The following SUGCT variants were observed in gnomAD, a reference collection of about 807,000 sequenced individuals.
The protein encoded by SUGCT is succinyl-CoA:glutarate-CoA transferase, also known as succinyl-CoA:glutarate CoA-transferase.
In SUGCT, 41 loss-of-function variants were observed where a neutral mutation model predicts 55.0. The observed-to-expected ratio is 0.74, with a 90% CI of 0.58 to 0.97. SUGCT has a LOEUF of 0.97. Ranked by LOEUF, SUGCT falls within the 50% of genes least tolerant of loss-of-function variation. The probability of loss-of-function intolerance (pLI) is 0.00; values close to 1 mark genes in which losing one functional copy is unlikely to be tolerated. For synonymous variants in SUGCT, 187 were observed against 200.4 expected (o/e 0.93, Z 0.56); for missense variants, 568 against 547.8 (o/e 1.04, Z -0.37).
At chr7:40,659,135 T>C (rs1343055799) in intron 12 of SUGCT, among the ~76,000 whole-genome samples, 1 of 152,212 alleles carries the variant, frequency 6.6e-6, no homozygotes, top group Non-Finnish European at 1.5e-5. Context: ...AGGGATCTAA[T>C]ATGCAGGACA....
At chr7:40,643,270 A>C (rs1172635331) in intron 12 of SUGCT, among the ~76,000 whole-genome samples, 1 of 152,200 alleles carries the variant, frequency 6.6e-6, no homozygotes, top group Admixed American at 6.5e-5. Context: ...TGTTGATTTT[A>C]GGACCTTGTC....
At chr7:40,442,327 G>A (rs577588622) in intron 9 of SUGCT, among the ~76,000 whole-genome samples, 9 of 152,052 alleles carry the variant, frequency 5.9e-5, no homozygotes, top group African/African-American at 7.2e-5. Context: ...GAAACAAGAT[G>A]GAGTCAGTTA....
At chr7:40,291,666 TAAAAAA>T (rs145941021) in intron 8 of SUGCT, among the ~76,000 whole-genome samples, 1 of 150,398 alleles carries the variant, frequency 6.6e-6, no homozygotes, top group East Asian at 2.0e-4. Flanking sequence ...AATAATAAAA[TAAAAAA>T]ATATATATAT....
chr7:40,736,979 G>GA (rs970672051), intron 12 of SUGCT, among the ~76,000 whole-genome samples: 6 of 152,044 alleles, frequency 3.9e-5, no homozygotes, highest in African/African-American at 1.4e-4. Flanking sequence ...CATTGATTTT[G>GA]AAAAACGGTA....
intron 13 of SUGCT, among the ~76,000 whole-genome samples, chr7:40,836,089 A>C (rs1792960921): frequency 6.6e-6 from 1 of 151,254 alleles, no homozygotes; most frequent in South Asian, 2.1e-4. Flanking sequence ...AGTAGAGATG[A>C]AGTCTCACTG....
intron 13 of SUGCT, among the ~76,000 whole-genome samples, chr7:40,812,080 A>G (rs750534153): frequency 3.9e-5 from 6 of 152,130 alleles, no homozygotes; most frequent in Non-Finnish European, 7.4e-5. Context: ...GTGTATGTTG[A>G]GTCAACCTTG....
chr7:40,575,324 C>T (rs998359393), intron 12 of SUGCT, among the ~76,000 whole-genome samples: 6 of 152,042 alleles, frequency 3.9e-5, no homozygotes, highest in Admixed American at 1.3e-4. Context: ...TTCTTACCAA[C>T]GTTATTTAAA....
chr7:40,650,094 T>A (rs546024822), intron 12 of SUGCT, among the ~76,000 whole-genome samples: 74 of 152,256 alleles, frequency 4.9e-4, no homozygotes, highest in African/African-American at 1.7e-3. Context: ...CCTCATAAGA[T>A]GTTGGACTAA....
intron 13 of SUGCT, among the ~76,000 whole-genome samples, chr7:40,850,671 T>C (rs1793805473): frequency 6.6e-6 from 1 of 152,130 alleles, no homozygotes; most frequent in African/African-American, 2.4e-5. Flanking sequence ...AAAATAAATA[T>C]TTGAAAAGTG....
chr7:40,945,515 T>C, the SUGCT span, among the ~76,000 whole-genome samples: 2 of 152,122 alleles, frequency 1.3e-5, no homozygotes, highest in African/African-American at 4.8e-5. Context: ...AGCCCCACTA[T>C]GTCTGCAATG....
chr7:40,906,060 T>C, the SUGCT span, among the ~76,000 whole-genome samples: 1 of 152,166 alleles, frequency 6.6e-6, no homozygotes, highest in African/African-American at 2.4e-5. Flanking sequence ...AATTCAGCGG[T>C]ATTAACTGCA....
At chr7:40,984,019 G>A in the SUGCT span, among the ~76,000 whole-genome samples, 1 of 152,108 alleles carries the variant, frequency 6.6e-6, no homozygotes, top group East Asian at 1.9e-4. Context: ...AATGCAGGTA[G>A]GCGAGGGGTA....
chr7:40,402,982 G>C (rs1027952344), intron 9 of SUGCT, among the ~76,000 whole-genome samples: 1 of 152,138 alleles, frequency 6.6e-6, no homozygotes, highest in Non-Finnish European at 1.5e-5. Context: ...TTTCCAATAG[G>C]TTAGAGGCAG....
chr7:40,195,940 C>T (rs182603407), intron 6 of SUGCT, among the ~76,000 whole-genome samples: 30 of 151,950 alleles, frequency 2.0e-4, no homozygotes, highest in African/African-American at 6.5e-4. Context: ...TCTCTAAATC[C>T]TGACCTCAAG....
chr7:40,681,911 T>G (rs1191490501), intron 12 of SUGCT, among the ~76,000 whole-genome samples: 1 of 152,166 alleles, frequency 6.6e-6, no homozygotes, highest in African/African-American at 2.4e-5. Flanking sequence ...AGTTCAGTCC[T>G]CAGTTTTTCG....
At chr7:40,407,266 A>G (rs1430329093) in intron 9 of SUGCT, among the ~76,000 whole-genome samples, 2 of 152,128 alleles carry the variant, frequency 1.3e-5, no homozygotes, top group Non-Finnish European at 2.9e-5. Context: ...GAATAGAAAT[A>G]TAATAAATGT....
intron 9 of SUGCT, among the ~76,000 whole-genome samples, chr7:40,347,184 G>A (rs998835583): frequency 3.9e-5 from 6 of 152,190 alleles, no homozygotes; most frequent in African/African-American, 1.4e-4. Flanking sequence ...CACTTCTGCT[G>A]AAGGCTCAGA....
intron 12 of SUGCT, among the ~76,000 whole-genome samples, chr7:40,531,132 G>A (rs527332498): frequency 6.6e-6 from 1 of 152,322 alleles, no homozygotes; most frequent in South Asian, 2.1e-4. Flanking sequence ...GATGAATGAA[G>A]CTGACACCTT....
In SUGCT at chr7:40,650,108, C is replaced by A. The variant is rs147266772; in HGVS notation, c.1090-99326C>A. On this transcript the variant is annotated intron_variant, in intron 12 of 13. Transcript: ENST00000335693. ...TCCTCATAAGATGTTGGACTAAGGG[C>A]CTCAGTTCTGCACAGGCTCTTGGAT... is the stretch of plus-strand genomic sequence containing the variant. Among the ~76,000 whole-genome samples the A allele has an allele frequency of 4.2e-3, 644 of 152,260 alleles. 2 individuals carry two copies. Among genetic ancestry groups the A allele is most frequent in the African/African-American group, 0.01 (435 of 41,540 alleles).
Sources: gnomAD v4.1 joint callset for allele counts (sites outside exome capture counted in the v4.1 genomes callset) on GRCh38, gnomAD v4.1.1 for gene constraint, MANE v1.5 for transcripts, NCBI Gene and HGNC (gene_info 2026-07-23, HGNC 2026-07-21) for gene names.